The following GSPT1 variants were observed in gnomAD, a reference collection of about 807,000 sequenced individuals.
GSPT1 encodes G1 to S phase transition 1.
Under a neutral mutation model 72.5 loss-of-function variants are expected in GSPT1, and 20 were observed. That is an observed-to-expected ratio of 0.28 (90% CI 0.19 to 0.40). The LOEUF (loss-of-function observed/expected upper bound fraction) is 0.40, where lower values mean the gene tolerates loss of function less well. Ranked by LOEUF, GSPT1 falls within the 10% of genes least tolerant of loss-of-function variation. The pLI is 1.00. For synonymous variants in GSPT1, 334 were observed against 293.5 expected, an observed-to-expected ratio of 1.14 and a Z score of -1.41; for missense variants, 580 against 811.9, an observed-to-expected ratio of 0.71 and a Z score of 3.47.
intron 12 of GSPT1, among the ~76,000 whole-genome samples, chr16:11,876,648 C>T (rs1346263345): frequency 6.6e-6 from 1 of 152,246 alleles, no homozygotes; most frequent in African/African-American, 2.4e-5. Flanking sequence ...GAGGCTGAGG[C>T]AGGACAATCG....
chr16:11,915,296 C>T, intron 1 of GSPT1, 73 bp downstream of exon 1: 1 of 1,331,914 alleles, frequency 7.5e-7, no homozygotes, highest in Non-Finnish European at 9.6e-7. Context: ...GGCCGCGCGC[C>T]CCCGGACCGC....
At chr16:11,915,268 G>A (rs2054617132) in intron 1 of GSPT1, 101 bp downstream of exon 1, 3 of 1,202,832 alleles carry the variant, frequency 2.5e-6, no homozygotes, top group African/African-American at 3.2e-5. Context: ...AGCGCCCCAC[G>A]TGCCGACCGG....
intron 4 of GSPT1, among the ~76,000 whole-genome samples, chr16:11,896,239 A>C (rs2054336925): frequency 6.6e-6 from 1 of 152,226 alleles, no homozygotes; most frequent in Admixed American, 6.5e-5. Flanking sequence ...GTTCACATAA[A>C]AAAGGGCACA....
rs1228154989 is a variant in GSPT1, at chr16:11,896,683, G to A, written c.539C>T (p.Pro180Leu). The change falls in exon 4 of 15, where the codon CCG becomes CTG. Residue 180 changes from proline (P) to leucine (L), a missense_variant. Around this residue, in one of 6 missense-constraint regions of GSPT1, gnomAD observed 327 missense variants for 298.8 expected, o/e 1.09. Transcript: ENST00000434724. The part of the protein sequence containing the change: ...PGGGSLGDGR[P>L]PEESAHEMME... ...CATTTCATGGGCACTTTCCTCTGGC[G>A]GCCTTCCATCTCCCAAGGAACCACC... 7 of 1,607,904 alleles carry A rather than the reference G, an allele frequency of 4.4e-6. No individual in the cohort carries two copies. Among genetic ancestry groups the A allele is most frequent in the African/African-American group, 2.7e-5 (2 of 74,932 alleles).
chr16:11,887,419 A>T, intron 7 of GSPT1, 151 bp downstream of exon 7: 1 of 628,724 alleles, frequency 1.6e-6, no homozygotes, highest in South Asian at 2.2e-5. Context: ...AGATTTCTTG[A>T]AGAGAGATTA....
At chr16:11,905,511 G>A (rs943433347) in intron 1 of GSPT1, among the ~76,000 whole-genome samples, 10 of 152,014 alleles carry the variant, frequency 6.6e-5, no homozygotes, top group Non-Finnish European at 1.2e-4. Flanking sequence ...ACTCCCCTAG[G>A]ACATGACACC....
At position 11,872,887 on chromosome 16, in the gene GSPT1, C is replaced by G. The variant is rs1400281641; in HGVS notation, c.*232G>C. On this transcript the variant is annotated 3_prime_UTR_variant, in exon 15 of 15. Coordinates refer to ENST00000434724, the MANE Select transcript of GSPT1 (RefSeq NM_002094.4). ...CTATTGCCAAATCTGTCCAAGGAAG[C>G]AGAGTTTGAAGTGAGGGCTAGGGAC... The G allele has an allele frequency of 7.3e-6, 3 of 409,610 alleles. No homozygotes were observed. Among genetic ancestry groups the G allele is most frequent in the East Asian group, 3.5e-5 (1 of 28,818 alleles). The allele number at this position is 409,610 out of a possible 1,614,324, so 25.4% of individuals were successfully genotyped here. A position where few individuals can be genotyped will look rare whatever the true frequency, so the allele number is the denominator to read the frequency against.
chr16:11,869,714 G>T lies in GSPT1; in HGVS notation c.*3405C>A, dbSNP rs2053958111. On this transcript the variant is annotated 3_prime_UTR_variant, in exon 15 of 15. Coordinates refer to ENST00000434724, the MANE Select transcript of GSPT1 (RefSeq NM_002094.4). ...GCAGTCCATGAGGAAGTCCATGCCA[G>T]TAAGAAAAGGTGCTAGAGTGCTGTT... 6.6e-6 allele frequency: 1 copy of T among 152,240 alleles called. No homozygotes were observed. Among genetic ancestry groups the T allele is most frequent in the African/African-American group, 2.4e-5 (1 of 41,466 alleles). The allele number at this position is 152,240 out of a possible 1,614,324, so 9.4% of individuals were successfully genotyped here. A position where few individuals can be genotyped will look rare whatever the true frequency, so the allele number is the denominator to read the frequency against.
At chr16:11,906,553 A>C (rs958738852) in intron 1 of GSPT1, among the ~76,000 whole-genome samples, 2 of 152,114 alleles carry the variant, frequency 1.3e-5, no homozygotes, top group African/African-American at 2.4e-5. Context: ...AGAATCACTT[A>C]AGCCCAGGAG....
In GSPT1 at chr16:11,911,854, A is replaced by ATTTTTTTTTT. The variant is rs1158026034; in HGVS notation, c.352+3505_352+3514dup. The stretch of plus-strand genomic sequence containing the variant: ...GGCATGAGCCACTGCACCCAGCTGT[A>ATTTTTTTTTT]TTTTTTTTTTTTTTTTTTTTTTTTT... On this transcript the variant is annotated intron_variant, in intron 1 of 14. Coordinates refer to ENST00000434724, the MANE Select transcript of GSPT1 (RefSeq NM_002094.4). Among the ~76,000 whole-genome samples, 342 of 45,402 alleles carry ATTTTTTTTTT rather than the reference A, an allele frequency of 7.5e-3. 63 individuals carry two copies. Among genetic ancestry groups the ATTTTTTTTTT allele is most frequent in the Non-Finnish European group, 9.2e-3 (243 of 26,438 alleles). 29.8% of individuals were successfully genotyped at this position (45,402 alleles called of 152,430 possible).
chr16:11,895,161 T>C, intron 4 of GSPT1, 174 bp from the exon 5 acceptor site: 1 of 528,762 alleles, frequency 1.9e-6, no homozygotes, highest in East Asian at 3.3e-5. Context: ...CTGGGCTCGG[T>C]GGCTCACGCC....
chr16:11,875,628 C>G, intron 14 of GSPT1, 133 bp downstream of exon 14: 1 of 603,738 alleles, frequency 1.7e-6, no homozygotes, highest in Non-Finnish European at 2.8e-6. Flanking sequence ...ACTCATAAAA[C>G]ACTCATACGA....
intron 1 of GSPT1, among the ~76,000 whole-genome samples, chr16:11,913,396 G>T (rs1260542029): frequency 6.6e-6 from 1 of 152,180 alleles, no homozygotes; most frequent in African/African-American, 2.4e-5. Context: ...CATGCTGTAC[G>T]GATTCTCTTA....
intron 6 of GSPT1, among the ~76,000 whole-genome samples, chr16:11,888,100 A>C (rs2054206855): frequency 6.6e-6 from 1 of 152,158 alleles, no homozygotes; most frequent in African/African-American, 2.4e-5. Context: ...GGTTGCAGCG[A>C]GCCAAGACCG....
intron 4 of GSPT1, among the ~76,000 whole-genome samples, chr16:11,896,161 T>C (rs150154893): frequency 2.0e-5 from 3 of 152,340 alleles, no homozygotes; most frequent in East Asian, 1.9e-4. Context: ...CTCCAAATTA[T>C]TGATTTCCTG....
chr16:11,897,983 T>C lies in GSPT1; in HGVS notation c.394+11A>G, dbSNP rs767844307. 7.1e-6 allele frequency: 11 copies of C among 1,540,418 alleles called. No homozygotes were observed. Among genetic ancestry groups the C allele is most frequent in the South Asian group, 1.2e-5 (1 of 84,234 alleles). On this transcript the variant is annotated intron_variant, in intron 2 of 14. Coordinates refer to ENST00000434724, the MANE Select transcript of GSPT1 (RefSeq NM_002094.4). The stretch of plus-strand genomic sequence containing the variant: ...TTTTCTCAAGTAGACTTTCAAAGAG[T>C]ACATCATTACCTTCACACAATGACT...
In GSPT1 at chr16:11,915,916, G is replaced by A. The variant is rs769915604; in HGVS notation, c.-196C>T. ...CACACTCGCGACGACGACAGAGGCG[G>A]CGGCGGCGGCAGCTCAACCCTCCTC... On this transcript the variant is annotated 5_prime_UTR_variant, in exon 1 of 15. Coordinates refer to ENST00000434724, the MANE Select transcript of GSPT1 (RefSeq NM_002094.4). 7.4e-6 allele frequency: 6 copies of A among 806,298 alleles called. No homozygotes were observed. The highest frequency in any genetic ancestry group is 5.1e-5 in the African/African-American group (3 of 59,098). 49.9% of individuals were successfully genotyped at this position (806,298 alleles called of 1,614,324 possible). A position where few individuals can be genotyped will look rare whatever the true frequency, so the allele number is the denominator to read the frequency against.
chr16:11,912,669 CAAT>C (rs1363255469), intron 1 of GSPT1, among the ~76,000 whole-genome samples: 2 of 152,044 alleles, frequency 1.3e-5, no homozygotes, highest in Non-Finnish European at 2.9e-5. Flanking sequence ...TCTTATCTAA[CAAT>C]AAAAAAAACT....
chr16:11,898,976 A>T (rs2141305501), intron 1 of GSPT1, among the ~76,000 whole-genome samples: 1 of 152,294 alleles, frequency 6.6e-6, no homozygotes. Flanking sequence ...TTTACTTATG[A>T]CATTACTGGA....
Sources: gnomAD v4.1 joint callset for allele counts (sites outside exome capture counted in the v4.1 genomes callset) on GRCh38, gnomAD v4.1.1 for gene constraint, gnomAD v4.1.1 regional missense constraint, MANE v1.5 for transcripts, NCBI Gene and HGNC (gene_info 2026-07-23, HGNC 2026-07-21) for gene names.